DHX36: variants seen among roughly 807,000 people sequenced by gnomAD.
DHX36 encodes ATP-dependent DNA/RNA helicase DHX36.
DHX36 carries 50 observed loss-of-function variants against 139.0 expected under a neutral mutation model. The observed-to-expected ratio is 0.36, with a 90% CI of 0.29 to 0.46. DHX36 has a LOEUF of 0.46. Among genes scored for constraint, DHX36 ranks in the 20% least tolerant of loss-of-function variants. The pLI is 1.00. For missense variants in DHX36, 1,024 were observed against 1,211.3 expected (o/e 0.85, Z 2.29); for synonymous variants, 425 against 401.9 (o/e 1.06, Z -0.69).
rs556730564 is a variant in DHX36 at position 154,321,033 on chromosome 3, G to T, written c.243+3141C>A. On this transcript the variant is annotated intron_variant, in intron 1 of 24. Transcript: ENST00000496811. ...CTAGCCCAGAGATTTTCAAATTGCT[G>T]TTTCTGAAATTATATTAAAGGATCA... Among the ~76,000 whole-genome samples the T allele has an allele frequency of 1.6e-4, 24 of 152,228 alleles. No individual in the cohort carries two copies. The South Asian group carries it at 5.0e-3, about 32-fold the overall frequency.
chr3:154,306,119 A>G (rs1040268572), intron 6 of DHX36, 97 bp downstream of exon 6: 2 of 891,396 alleles, frequency 2.2e-6, no homozygotes, highest in African/African-American at 3.3e-5. Flanking sequence ...AATAGTAATA[A>G]CCATCATAAA....
Position 154,311,660 on chromosome 3 carries a change from C to A in DHX36, c.618G>T (p.Lys206Asn). Residue 206 changes from lysine (K) to asparagine (N), a missense_variant, in exon 4 of 25, where the codon AAG becomes AAT. Physicochemically the swap from Lys to Asn is moderately conservative, Grantham distance 94 (BLOSUM62 0). Transcript: ENST00000496811. The part of the protein sequence containing the change: ...RYIEMQHFRE[K>N]LPSYGMQKEL... ...CCTTTTGCATTCCATACGAAGGCAG[C>A]TTTTCTCTGAAATGCTGAAATTTAA... 5 of 1,596,184 alleles carry A rather than the reference C, an allele frequency of 3.1e-6. No homozygotes were observed. Among genetic ancestry groups the A allele is most frequent in the African/African-American group, 1.4e-5 (1 of 73,574 alleles).
In DHX36 at chr3:154,315,298, G is replaced by A. The variant is rs754450369; in HGVS notation, c.369-18C>T. 8 of 1,570,202 alleles carry A rather than the reference G, an allele frequency of 5.1e-6. No individual in the cohort carries two copies. The highest frequency in any genetic ancestry group is 6.1e-6 in the Non-Finnish European group (7 of 1,150,210). ...TACCGTATCTGTTTTGACAAAATAA[G>A]AAAGGAAGAAAGGTCAGATGAGCCA... On this transcript the variant is annotated intron_variant, in intron 2 of 24. Coordinates refer to ENST00000496811, the MANE Select transcript of DHX36 (RefSeq NM_020865.3).
chr3:154,287,343 A>G (rs1273534445), intron 17 of DHX36, among the ~76,000 whole-genome samples: 2 of 152,192 alleles, frequency 1.3e-5, no homozygotes, highest in African/African-American at 4.8e-5. Flanking sequence ...TGAGAATGAT[A>G]CATCTTACTG....
chr3:154,284,729 T>G, intron 18 of DHX36, 60 bp from the exon 19 acceptor site: 1 of 1,593,750 alleles, frequency 6.3e-7, no homozygotes, highest in Non-Finnish European at 8.6e-7. Context: ...GAGAATGACA[T>G]TCTAATAAAA....
intron 5 of DHX36, among the ~76,000 whole-genome samples, chr3:154,308,755 C>T (rs1293919566): frequency 6.6e-6 from 1 of 152,074 alleles, no homozygotes; most frequent in Non-Finnish European, 1.5e-5. Flanking sequence ...TTCTGGATTT[C>T]GTATAGTCAA....
intron 5 of DHX36, among the ~76,000 whole-genome samples, chr3:154,308,251 T>C (rs1253274541): frequency 6.6e-6 from 1 of 152,204 alleles, no homozygotes; most frequent in African/African-American, 2.4e-5. Flanking sequence ...AGTCTACTGC[T>C]CTTTCTTTAT....
intron 18 of DHX36, 44 bp from the exon 19 acceptor site, chr3:154,284,713 A>G: frequency 6.3e-7 from 1 of 1,594,222 alleles, no homozygotes; most frequent in Non-Finnish European, 8.6e-7. Flanking sequence ...CTCTGATGCT[A>G]TAATGGAGAA....
intron 4 of DHX36, among the ~76,000 whole-genome samples, chr3:154,311,158 G>GTAAAA (rs890972152): frequency 6.6e-6 from 1 of 151,524 alleles, no homozygotes; most frequent in Non-Finnish European, 1.5e-5. Context: ...AAAAAATAAA[G>GTAAAA]TAAAATAAAA....
In DHX36 at chr3:154,301,127, C is replaced by T. The variant is rs1712259128; in HGVS notation, c.1218G>A (p.Arg406=). The T allele has an allele frequency of 1.3e-6, 2 of 1,575,918 alleles. No individual in the cohort carries two copies. Among genetic ancestry groups the T allele is most frequent in the Non-Finnish European group, 1.7e-6 (2 of 1,169,568 alleles). Residue 406 remains arginine (R), a splice_region_variant and synonymous_variant, in exon 10 of 25, where the codon AGG becomes AGA. Coordinates refer to ENST00000496811, the MANE Select transcript of DHX36 (RefSeq NM_020865.3). ...TGTGTTCTTTTTGTTCTGGAACATA[C>T]CTAAAATAAAAACATTCTTGAATAT... is the stretch of plus-strand genomic sequence containing the variant. ...YLLEDVIEKI[R]YVPEQKEHRS...
intron 15 of DHX36, 152 bp downstream of exon 15, chr3:154,292,399 G>A (rs1461609296): frequency 1.8e-6 from 2 of 1,101,898 alleles, no homozygotes; most frequent in Non-Finnish European, 2.6e-6. Context: ...ACTACGATTA[G>A]AACAACTTTC....
chr3:154,308,412 T>C (rs1328910934), intron 5 of DHX36, among the ~76,000 whole-genome samples: 1 of 152,106 alleles, frequency 6.6e-6, no homozygotes, highest in Non-Finnish European at 1.5e-5. Flanking sequence ...CAAACACAAA[T>C]CTTTATAATT....
chr3:154,324,289 C>CCAT lies in DHX36; in HGVS notation c.127_128insATG (p.Gly42_Gly43insAsp). On this transcript the variant is annotated inframe_insertion, in exon 1 of 25. Coordinates refer to ENST00000496811, the MANE Select transcript of DHX36 (RefSeq NM_020865.3). ...GCCCCTGCCGCCTCGACCACCCCCTCCGCCGCCGCCGCCTCCTCCGGAGCC... is the reference window on the plus strand; with the variant it reads ...GCCCCTGCCGCCTCGACCACCCCCTCCATCGCCGCCGCCGCCTCCTCCGGAGCC... 6.2e-7 allele frequency: 1 copy of CCAT among 1,611,144 alleles called. No individual in the cohort carries two copies. The highest frequency in any genetic ancestry group is 8.5e-7 in the Non-Finnish European group (1 of 1,178,548).
Position 154,293,779 on chromosome 3 carries a change from T to C in DHX36, c.1639A>G (p.Ile547Val), listed in dbSNP as rs1486405293. 2 of 1,613,124 alleles carry C rather than the reference T, an allele frequency of 1.2e-6. No homozygotes were observed. The highest frequency in any genetic ancestry group is 1.7e-6 in the Non-Finnish European group (2 of 1,179,452). The change falls in exon 14 of 25, where the codon ATA becomes GTA. Residue 547 changes from isoleucine to valine, a missense_variant. Physicochemically the swap from Ile to Val is conservative, Grantham distance 29. This residue lies in a region of DHX36 where 470 missense variants were observed against 616.2 expected (regional missense o/e 0.76). Transcript: ENST00000496811. ...TCCGCAATGTTGGTAGCAATTACTATTTTCCGAACACCAGGAGGGGTTCTT... is the reference window on the plus strand; with the variant it reads ...TCCGCAATGTTGGTAGCAATTACTACTTTCCGAACACCAGGAGGGGTTCTT... ...FKRTPPGVRKIVIATNIAETS... is the reference protein window; with the variant it reads ...FKRTPPGVRKVVIATNIAETS...
intron 14 of DHX36, among the ~76,000 whole-genome samples, chr3:154,292,995 T>C (rs1344302892): frequency 6.6e-6 from 1 of 152,096 alleles, no homozygotes; most frequent in Non-Finnish European, 1.5e-5. Flanking sequence ...CAGTCAAATA[T>C]CACAGGTTGC....
In DHX36 at chr3:154,301,141, A is replaced by C; in HGVS notation, c.1218-14T>G. The C allele has an allele frequency of 6.4e-7, 1 of 1,566,796 alleles. No individual in the cohort carries two copies. The highest frequency in any genetic ancestry group is 1.7e-4 in the Middle Eastern group (1 of 5,820). ...TCTGGAACATACCTAAAATAAAAAC[A>C]TTCTTGAATATCTTCACTTTTTTGA... On this transcript the variant is annotated splice_polypyrimidine_tract_variant and intron_variant, in intron 9 of 24. Transcript: ENST00000496811.
In DHX36 at chr3:154,301,096, G is replaced by A; in HGVS notation, c.1249C>T (p.Gln417Ter). Reference sequence around the variant, plus strand: ...CCTTGCATGAAACCCCTCTTAAACTGGGATCTGTGTTCTTTTTGTTCTGGA... The same window carrying A: ...CCTTGCATGAAACCCCTCTTAAACTAGGATCTGTGTTCTTTTTGTTCTGGA... ...YVPEQKEHRS[Q>*]FKRGFMQGHV... is the part of the protein sequence containing the mutation. The change falls in exon 10 of 25, where the codon CAG becomes TAG. Residue 417 changes from glutamine to a stop codon, truncating the protein, a stop_gained. Transcript: ENST00000496811. LOFTEE classifies it high-confidence loss of function. 1 of 1,607,418 alleles carries A rather than the reference G, an allele frequency of 6.2e-7. No individual in the cohort carries two copies. The highest frequency in any genetic ancestry group is 8.5e-7 in the Non-Finnish European group (1 of 1,178,442).
At chr3:154,277,056 A>C (rs997783876) in intron 23 of DHX36, among the ~76,000 whole-genome samples, 157 bp from the exon 24 acceptor site, 1 of 152,224 alleles carries the variant, frequency 6.6e-6, no homozygotes, top group Non-Finnish European at 1.5e-5. Context: ...TACCATTTTA[A>C]ATGAGCCATC....
chr3:154,281,604 A>G (rs1447140888), intron 20 of DHX36, among the ~76,000 whole-genome samples: 1 of 152,124 alleles, frequency 6.6e-6, no homozygotes, highest in Non-Finnish European at 1.5e-5. Context: ...AAAGTGAATG[A>G]CCAGATGAAT....
Sources: gnomAD v4.1 joint callset for allele counts (sites outside exome capture counted in the v4.1 genomes callset) on GRCh38, gnomAD v4.1.1 for gene constraint, gnomAD v4.1.1 regional missense constraint, MANE v1.5 for transcripts, NCBI Gene and HGNC (gene_info 2026-07-23, HGNC 2026-07-21) for gene names.